The following USP42 variants were observed in gnomAD, a reference collection of about 807,000 sequenced individuals.
USP42 encodes ubiquitin carboxyl-terminal hydrolase 42.
Under a neutral mutation model 113.0 loss-of-function variants are expected in USP42, and 23 were observed. That is an observed-to-expected ratio of 0.20 (90% CI 0.15 to 0.29). USP42 has a LOEUF of 0.29. Among genes scored for constraint, USP42 ranks in the 10% least tolerant of loss-of-function variants. The probability of loss-of-function intolerance (pLI) is 1.00; values close to 1 mark genes in which losing one functional copy is unlikely to be tolerated. For synonymous variants in USP42, 933 were observed against 699.0 expected (o/e 1.33, Z -5.28); for missense variants, 2,174 against 1,779.8 (o/e 1.22, Z -3.99).
At position 6,139,210 on chromosome 7, in the gene USP42, C is replaced by A; in HGVS notation, c.656+16C>A. The A allele has an allele frequency of 6.5e-7, 1 of 1,549,566 alleles. No individual in the cohort carries two copies. Among genetic ancestry groups the A allele is most frequent in the Non-Finnish European group, 8.8e-7 (1 of 1,140,670 alleles). On this transcript the variant is annotated intron_variant, in intron 5 of 17. Transcript: ENST00000306177. This position sits in a 1 kb window ranked among gnomAD's most constrained non-coding sequence, Gnocchi z 4.5. ...GCAGCAATAAGTAAGTACAACAGAG[C>A]GCCAGCCATGTCTTCATTGGGGATC...
At chr7:6,094,194 G>C in the USP42 span, among the ~76,000 whole-genome samples, 1 of 148,654 alleles carries the variant, frequency 6.7e-6, no homozygotes, top group East Asian at 2.0e-4. Flanking sequence ...TTGTTTTTAA[G>C]ACAGGGTCTT....
chr7:6,160,349 C>T (rs897878167), intron 17 of USP42, among the ~76,000 whole-genome samples: 1 of 152,156 alleles, frequency 6.6e-6, no homozygotes, highest in African/African-American at 2.4e-5. Context: ...GGGTGGTGGC[C>T]GGGCCCAGCA....
chr7:6,084,717 ACT>A, the USP42 span: 1 of 142,552 alleles, frequency 7.0e-6, no homozygotes, highest in African/African-American at 2.7e-5. Flanking sequence ...TATCGCAAGG[ACT>A]CTTTTTTTTT....
intron 12 of USP42, among the ~76,000 whole-genome samples, chr7:6,149,192 TTTG>T (rs1404849435): frequency 6.6e-6 from 1 of 152,096 alleles, no homozygotes; most frequent in Admixed American, 6.6e-5. Flanking sequence ...GACCGTCTCC[TTTG>T]CTCCGAGGCG....
upstream of USP42, among the ~76,000 whole-genome samples, chr7:6,104,175 C>T (rs1779116723): frequency 6.6e-6 from 1 of 150,694 alleles, no homozygotes. Context: ...CTCCGCCTCC[C>T]GGGTTCAAGC....
intron 8 of USP42, 106 bp downstream of exon 8, chr7:6,143,120 A>T: frequency 8.7e-7 from 1 of 1,142,922 alleles, no homozygotes. Flanking sequence ...TGAGTTTCTG[A>T]TACCCTCTGG....
At chr7:6,135,796 A>G in intron 3 of USP42, 45 bp from the exon 4 acceptor site, 2 of 1,225,664 alleles carry the variant, frequency 1.6e-6, no homozygotes, top group Non-Finnish European at 2.3e-6. Flanking sequence ...ATGTGTGTAT[A>G]TGGTTGTATT....
intron 9 of USP42, among the ~76,000 whole-genome samples, chr7:6,144,500 A>T (rs1002808481): frequency 4.6e-5 from 7 of 152,144 alleles, no homozygotes; most frequent in Non-Finnish European, 8.8e-5. Context: ...TTTTCTTCCC[A>T]CTTTCTGAAG....
intron 3 of USP42, among the ~76,000 whole-genome samples, chr7:6,132,850 T>C (rs954151931): frequency 5.9e-5 from 9 of 152,184 alleles, no homozygotes; most frequent in Admixed American, 5.9e-4. Context: ...TTTTTTGTAT[T>C]TTTAGTAGAG....
In USP42 at chr7:6,139,092, GTA is replaced by G; in HGVS notation, c.557_558del (p.Ile186SerfsTer2). 6.2e-7 allele frequency: 1 copy of G among 1,602,756 alleles called. No homozygotes were observed. Among genetic ancestry groups the G allele is most frequent in the Non-Finnish European group, 8.5e-7 (1 of 1,174,164 alleles). ...CCTTGTCTTTACCGAAATTTTACAG[GTA>G]TAGCTAGGCACTTCCGTTTTGGAAA... On this transcript the variant is annotated frameshift_variant and splice_region_variant, in exon 5 of 18. Transcript: ENST00000306177. LOFTEE classifies it high-confidence loss of function. This position sits in a 1 kb window ranked among gnomAD's most constrained non-coding sequence, Gnocchi z 4.5.
chr7:6,120,459 T>G (rs1583599135), intron 3 of USP42, among the ~76,000 whole-genome samples: 3 of 152,100 alleles, frequency 2.0e-5, no homozygotes, highest in African/African-American at 7.2e-5. Context: ...GCCAGGCTGG[T>G]CTCAAACTCC....
chr7:6,094,822 T>C, the USP42 span, among the ~76,000 whole-genome samples: 4 of 145,620 alleles, frequency 2.7e-5, no homozygotes, highest in Admixed American at 1.4e-4. Context: ...TTTTTTTTTT[T>C]GGTCACCCAG....
Position 6,153,780 on chromosome 7 carries a change from T to A in USP42, c.2226T>A (p.Pro742=). Residue 742 remains proline (P), a synonymous_variant, in exon 15 of 18, where the codon CCT becomes CCA. Transcript: ENST00000306177. ...GTGCACCTGGAGCAGAGAGGGGCCC[T>A]CCCGAGGACCGCGACGCCGAGCCTC... ...EMSAPGAERG[P]PEDRDAEPQP... is the part of the protein sequence containing the mutation. 6 of 1,482,546 alleles carry A rather than the reference T, an allele frequency of 4.0e-6. No individual in the cohort carries two copies. The highest frequency in any genetic ancestry group is 5.4e-6 in the Non-Finnish European group (6 of 1,115,082). The allele number at this position is 1,482,546 out of a possible 1,614,324, so 91.8% of individuals were successfully genotyped here.
chr7:6,096,497 A>G, the USP42 span, among the ~76,000 whole-genome samples: 1 of 151,200 alleles, frequency 6.6e-6, no homozygotes, highest in African/African-American at 2.5e-5. Flanking sequence ...CACGGGATGG[A>G]TACTTTAGCA....
Position 6,154,040 on chromosome 7 carries a change from G to T in USP42, c.2486G>T (p.Ser829Ile), listed in dbSNP as rs370964563. The change falls in exon 15 of 18, where the codon AGC becomes ATC. Residue 829 changes from serine (S) to isoleucine (I), a missense_variant. Ser to Ile is a moderately radical substitution (Grantham distance 142, BLOSUM62 -2). Transcript: ENST00000306177. ...CDPGSLTGDA[S>I]PLSQDAKGMI... ...CCCGGGAGCTTAACAGGCGATGCGA[G>T]CCCGTTGTCCCAGGACGCAAAGGGG... The T allele has an allele frequency of 1.2e-6, 2 of 1,605,322 alleles. No homozygotes were observed. Among genetic ancestry groups the T allele is most frequent in the Non-Finnish European group, 8.5e-7 (1 of 1,179,328 alleles).
chr7:6,138,276 G>A (rs566767719), intron 4 of USP42, among the ~76,000 whole-genome samples: 4 of 152,182 alleles, frequency 2.6e-5, no homozygotes, highest in South Asian at 2.1e-4. Context: ...AAATAATTTG[G>A]TCTTTTAGCT....
chr7:6,090,054 C>G, the USP42 span, among the ~76,000 whole-genome samples: 1 of 146,946 alleles, frequency 6.8e-6, no homozygotes, highest in African/African-American at 2.6e-5. Flanking sequence ...AATCCCAGCA[C>G]TTTGGGAGGT....
chr7:6,144,991 C>CGTTG (rs1317173105), intron 9 of USP42, among the ~76,000 whole-genome samples: 1 of 152,112 alleles, frequency 6.6e-6, no homozygotes, highest in African/African-American at 2.4e-5. Flanking sequence ...AGCAGGATGG[C>CGTTG]CTTAAATACA....
chr7:6,154,244 A>G lies in USP42; in HGVS notation c.2690A>G (p.Glu897Gly), dbSNP rs1445117820. Residue 897 changes from glutamate to glycine, a missense_variant, in exon 15 of 18, where the codon GAG becomes GGG. Glu to Gly is a moderately conservative substitution (Grantham distance 98). Coordinates refer to ENST00000306177, the MANE Select transcript of USP42 (RefSeq NM_032172.3). ...AGCTTGGGCGCACCCGAGGCCGCAGAGCGGCCGCCAGCTCCTGTGCTGGAC... is the reference window on the plus strand; with the variant it reads ...AGCTTGGGCGCACCCGAGGCCGCAGGGCGGCCGCCAGCTCCTGTGCTGGAC... ...SQSLGAPEAA[E>G]RPPAPVLDMA... is the part of the protein sequence containing the mutation. 6.2e-7 allele frequency: 1 copy of G among 1,603,536 alleles called. No homozygotes were observed. The highest frequency in any genetic ancestry group is 1.1e-5 in the South Asian group (1 of 90,380).
Sources: allele counts gnomAD v4.1 joint callset (sites outside exome capture counted in the v4.1 genomes callset), GRCh38; gene constraint gnomAD v4.1.1; non-coding constraint Gnocchi (gnomAD v3.1); transcripts MANE v1.5; gene names NCBI Gene and HGNC (gene_info 2026-07-23, HGNC 2026-07-21).